The following AURKC variants were observed in gnomAD, a reference collection of about 807,000 sequenced individuals.
AURKC encodes the protein aurora kinase C, also known as ARK-3.
In AURKC, 15 loss-of-function variants were observed where a neutral mutation model predicts 29.2. The ratio of observed to expected loss-of-function variants is 0.51; its 90% confidence interval spans 0.34 to 0.79. AURKC has a LOEUF of 0.79. Among genes scored for constraint, AURKC ranks in the 30% least tolerant of loss-of-function variants. The pLI, the probability that AURKC is intolerant of heterozygous loss-of-function variation, is 0.01. For missense variants in AURKC, 332 were observed against 383.2 expected (o/e 0.87, Z 1.12); for synonymous variants, 150 against 149.9 (o/e 1.00, Z -0.01).
intron 4 of AURKC, among the ~76,000 whole-genome samples, chr19:57,233,017 G>T (rs1418499618): frequency 3.3e-5 from 5 of 152,198 alleles, no homozygotes; most frequent in African/African-American, 1.2e-4. Flanking sequence ...CTGGCTTAGA[G>T]ATAGGTACAA....
In AURKC at chr19:57,233,549, G is replaced by C. The variant is rs1479376583; in HGVS notation, c.525G>C (p.Gly175=). Residue 175 remains glycine, a synonymous_variant, in exon 5 of 7, where the codon GGG becomes GGC. Coordinates refer to ENST00000302804, the MANE Select transcript of AURKC (RefSeq NM_001015878.2). ...RDIKPENLLL[G]FRGEVKIADF... ...TTAAGCCAGAGAACCTGCTGCTGGG[G>C]TTCAGGGGTGAGGTGAAGATTGCAG... The C allele has an allele frequency of 4.3e-6, 7 of 1,614,168 alleles. No homozygotes were observed. Among genetic ancestry groups the C allele is most frequent in the Non-Finnish European group, 5.9e-6 (7 of 1,180,044 alleles).
chr19:57,233,407 A>T (rs2087513461), intron 4 of AURKC, 53 bp from the exon 5 acceptor site: 2 of 1,613,320 alleles, frequency 1.2e-6, no homozygotes, highest in Admixed American at 3.3e-5. Context: ...TCCACCTCAG[A>T]CGGAAATTGT....
chr19:57,233,205 A>G (rs926632708), intron 4 of AURKC, among the ~76,000 whole-genome samples: 1 of 152,130 alleles, frequency 6.6e-6, no homozygotes, highest in African/African-American at 2.4e-5. Flanking sequence ...TGTAGGTTCT[A>G]TGTCTGGCTA....
chr19:57,232,740 C>T lies in AURKC; in HGVS notation c.435+60C>T. 6.2e-7 allele frequency: 1 copy of T among 1,608,548 alleles called. No homozygotes were observed. The highest frequency in any genetic ancestry group is 8.5e-7 in the Non-Finnish European group (1 of 1,177,914). ...AGTTTACTGTGGGCTGGTGGGAGCT[C>T]TGTTTGTGGCTGTCAGGAGGGTCCG... On this transcript the variant is annotated intron_variant, in intron 4 of 6. Transcript: ENST00000302804. The surrounding 1 kb of genome is among the most constrained non-coding windows in gnomAD (Gnocchi z 4.5).
intron 5 of AURKC, 102 bp downstream of exon 5, chr19:57,233,710 T>TG: frequency 6.6e-7 from 1 of 1,524,346 alleles, no homozygotes. Flanking sequence ...GATACGAACT[T>TG]GGGGTTTCTA....
rs2087504718 is a variant in AURKC, at chr19:57,232,583, C to T, written c.338C>T (p.Ala113Val). ...CGCCTGTATAACTATTTCCATGATG[C>T]ACGCCGGGTGTACCTGATTCTGGAA... ...ILRLYNYFHD[A>V]RRVYLILEYA... The change falls in exon 4 of 7, where the codon GCA (alanine) becomes GTA (valine). Residue 113 changes from alanine (A) to valine (V), a missense_variant. Coordinates refer to ENST00000302804, the MANE Select transcript of AURKC (RefSeq NM_001015878.2). The surrounding 1 kb of genome is among the most constrained non-coding windows in gnomAD (Gnocchi z 4.5). 4 of 1,614,008 alleles carry T rather than the reference C, an allele frequency of 2.5e-6. No homozygotes were observed. Among genetic ancestry groups the T allele is most frequent in the Non-Finnish European group, 3.4e-6 (4 of 1,180,032 alleles).
At chr19:57,233,754 C>CTTTTCT (rs935808547) in intron 5 of AURKC, 146 bp downstream of exon 5, 14 of 921,480 alleles carry the variant, frequency 1.5e-5, no homozygotes, top group African/African-American at 1.0e-4. Context: ...CTTTTCTTTT[C>CTTTTCT]TTTTTTTTTT....
rs181127302 is a variant in AURKC at position 57,231,039 on chromosome 19, G to C, written c.-210G>C. The C allele has an allele frequency of 1.8e-5, 21 of 1,183,320 alleles. 1 individual carries two copies. Among genetic ancestry groups the C allele is most frequent in the Non-Finnish European group, 1.9e-5 (15 of 810,484 alleles). 73.3% of individuals were successfully genotyped at this position (1,183,320 alleles called of 1,614,324 possible). A position where few individuals can be genotyped will look rare whatever the true frequency, so the allele number is the denominator to read the frequency against. On this transcript the variant is annotated 5_prime_UTR_variant, in exon 1 of 7. Coordinates refer to ENST00000302804, the MANE Select transcript of AURKC (RefSeq NM_001015878.2). ...TACCTCTCTGAGCGGTTGGTGCCGG[G>C]TATAAAAGAAGGCCGCGCAGCCACG...
intron 6 of AURKC, 27 bp downstream of exon 6, chr19:57,235,085 T>G: frequency 6.2e-7 from 1 of 1,613,832 alleles, no homozygotes; most frequent in Non-Finnish European, 8.5e-7. Context: ...TGGGCATTCA[T>G]GGGGGAGCTG....
chr19:57,231,156 G>A lies in AURKC; in HGVS notation c.-93G>A. Reference sequence around the variant, plus strand: ...AGCAGGATTGGAAGCGCCCCGGCCAGAAAGTGACCCCCCACCCCTTTCAGG... The same window carrying A: ...AGCAGGATTGGAAGCGCCCCGGCCAAAAAGTGACCCCCCACCCCTTTCAGG... On this transcript the variant is annotated 5_prime_UTR_variant, in exon 1 of 7. Coordinates refer to ENST00000302804, the MANE Select transcript of AURKC (RefSeq NM_001015878.2). The A allele has an allele frequency of 3.2e-6, 5 of 1,539,062 alleles. No homozygotes were observed. The highest frequency in any genetic ancestry group is 3.5e-6 in the Non-Finnish European group (4 of 1,136,978).
At chr19:57,233,425 T>C (rs2087513749) in intron 4 of AURKC, 35 bp from the exon 5 acceptor site, 2 of 1,614,076 alleles carry the variant, frequency 1.2e-6, no homozygotes, top group Non-Finnish European at 1.7e-6. Context: ...TGTGGCAGGC[T>C]TCACTTCCAG....
rs140410966 is a variant in AURKC, at chr19:57,235,390, G to T, written c.903G>T (p.Leu301=). The change falls in exon 7 of 7, where the codon CTG becomes CTT. Residue 301 remains leucine (L), a synonymous_variant. Coordinates refer to ENST00000302804, the MANE Select transcript of AURKC (RefSeq NM_001015878.2). ...TTCAGGCCCACTCCCGAAGGGTGCT[G>T]CCTCCCTGTGCTCAGATGGCTTCCT... ...PWVQAHSRRV[L]PPCAQMAS The T allele has an allele frequency of 2.9e-5, 46 of 1,613,854 alleles. No homozygotes were observed. The Middle Eastern group carries it at 5.1e-4, about 18-fold the overall frequency.
rs972262347 is a variant in AURKC, at chr19:57,231,094, C to T, written c.-155C>T. On this transcript the variant is annotated 5_prime_UTR_variant, in exon 1 of 7. Transcript: ENST00000302804. ...CTCACGACGCCGCGGATCCCGAAGC[C>T]TGTGTAGCAGTGAGACATCAGTGAG... 16 of 1,516,632 alleles carry T rather than the reference C, an allele frequency of 1.1e-5. No individual in the cohort carries two copies. The highest frequency in any genetic ancestry group is 6.0e-5 in the South Asian group (5 of 83,382). The allele number at this position is 1,516,632 out of a possible 1,614,324, so 93.9% of individuals were successfully genotyped here. A position where few individuals can be genotyped will look rare whatever the true frequency, so the allele number is the denominator to read the frequency against.
intron 1 of AURKC, 38 bp from the exon 2 acceptor site, chr19:57,231,704 C>T: frequency 1.9e-6 from 3 of 1,611,772 alleles, no homozygotes; most frequent in Non-Finnish European, 2.5e-6. Context: ...CTTCCCTCCC[C>T]TCTCCCTTCC....
At chr19:57,235,117 G>T (rs1286617176) in intron 6 of AURKC, 59 bp downstream of exon 6, 1 of 1,612,392 alleles carries the variant, frequency 6.2e-7, no homozygotes, top group Middle Eastern at 1.7e-4. Context: ...CTGCTGGGCT[G>T]TGGGCACACA....
Position 57,232,418 on chromosome 19 carries a change from C to G in AURKC, c.297-124C>G. 6.6e-7 allele frequency: 1 copy of G among 1,516,042 alleles called. No individual in the cohort carries two copies. The highest frequency in any genetic ancestry group is 9.1e-7 in the Non-Finnish European group (1 of 1,099,750). 93.9% of individuals were successfully genotyped at this position (1,516,042 alleles called of 1,614,324 possible). ...TTCTCCGTTCTCCCCTCACTTGCTC[C>G]CAGATAGGGCTGTTGTTATTCTGGT... On this transcript the variant is annotated intron_variant, in intron 3 of 6. Coordinates refer to ENST00000302804, the MANE Select transcript of AURKC (RefSeq NM_001015878.2). The surrounding 1 kb of genome is among the most constrained non-coding windows in gnomAD (Gnocchi z 4.5).
At chr19:57,233,363 A>T (rs2087513041) in intron 4 of AURKC, 97 bp from the exon 5 acceptor site, 2 of 1,570,980 alleles carry the variant, frequency 1.3e-6, no homozygotes, top group Non-Finnish European at 1.8e-6. Context: ...GACCAAAAAG[A>T]TTCCACTGTA....
chr19:57,233,720 A>G (rs2087517570), intron 5 of AURKC, 112 bp downstream of exon 5: 26 of 1,400,210 alleles, frequency 1.9e-5, no homozygotes, highest in Admixed American at 3.5e-5. Flanking sequence ...TGGGGTTTCT[A>G]TTGGAATACT....
Position 57,233,502 on chromosome 19 carries a change from A to G in AURKC, c.478A>G (p.Lys160Glu), listed in dbSNP as rs1177453339. ...AGATGCCCTGACCTACTGCCATGAC[A>G]AGAAAGTGATTCACAGAGATATTAA... ...LADALTYCHDKKVIHRDIKPE... is the reference protein window; with the variant it reads ...LADALTYCHDEKVIHRDIKPE... Residue 160 changes from lysine to glutamate, a missense_variant, in exon 5 of 7, where the codon AAG becomes GAG. Coordinates refer to ENST00000302804, the MANE Select transcript of AURKC (RefSeq NM_001015878.2). The G allele has an allele frequency of 6.2e-7, 1 of 1,614,204 alleles. No individual in the cohort carries two copies. Among genetic ancestry groups the G allele is most frequent in the African/African-American group, 1.3e-5 (1 of 75,044 alleles).
Sources: allele counts gnomAD v4.1 joint callset (sites outside exome capture counted in the v4.1 genomes callset), GRCh38; gene constraint gnomAD v4.1.1; non-coding constraint Gnocchi (gnomAD v3.1); transcripts MANE v1.5; gene names NCBI Gene and HGNC (gene_info 2026-07-23, HGNC 2026-07-21).